The following KLHL20 variants were observed in gnomAD, a reference collection of about 807,000 sequenced individuals.
The protein encoded by KLHL20 is kelch like family member 20, also known as kelch-like protein 20.
Under a neutral mutation model 69.5 loss-of-function variants are expected in KLHL20, and 29 were observed. That is an observed-to-expected ratio of 0.42 (90% confidence interval 0.31 to 0.57). KLHL20 has a LOEUF of 0.57. KLHL20 is among the 20% of genes least tolerant of loss of function. The pLI is 0.18. For missense variants in KLHL20, 419 were observed against 776.0 expected, an observed-to-expected ratio of 0.54 and a Z score of 5.47; for synonymous variants, 253 against 265.2, an observed-to-expected ratio of 0.95 and a Z score of 0.45.
intron 2 of KLHL20, among the ~76,000 whole-genome samples, chr1:173,732,270 A>C (rs981446733): frequency 6.6e-5 from 10 of 152,108 alleles, no homozygotes; most frequent in Non-Finnish European, 1.3e-4. Context: ...TGAGCCTAGG[A>C]GTTCAAGACC....
At chr1:173,758,731 G>C (rs1435718613) in intron 7 of KLHL20, among the ~76,000 whole-genome samples, 1 of 152,186 alleles carries the variant, frequency 6.6e-6, no homozygotes, top group Non-Finnish European at 1.5e-5. Flanking sequence ...GGAGTTTGCT[G>C]GGTCCCCAAG....
intron 10 of KLHL20, among the ~76,000 whole-genome samples, chr1:173,779,845 T>C (rs1332009606): frequency 2.0e-5 from 3 of 152,202 alleles, no homozygotes; most frequent in African/African-American, 7.2e-5. Flanking sequence ...ACAAACTAGT[T>C]TGAGTCTATC....
chr1:173,717,578 T>C (rs1031801619), intron 2 of KLHL20, among the ~76,000 whole-genome samples: 6 of 152,254 alleles, frequency 3.9e-5, no homozygotes, highest in Non-Finnish European at 7.3e-5. Flanking sequence ...TCTGTAATGC[T>C]GGGTTTATAC....
chr1:173,736,520 T>C (rs1672541803), intron 3 of KLHL20, among the ~76,000 whole-genome samples: 1 of 152,126 alleles, frequency 6.6e-6, no homozygotes, highest in South Asian at 2.1e-4. Context: ...CTGTTTTCCA[T>C]AGTGGTTGCA....
At chr1:173,733,131 T>C (rs919670341) in intron 2 of KLHL20, among the ~76,000 whole-genome samples, 9 of 150,996 alleles carry the variant, frequency 6.0e-5, no homozygotes, top group African/African-American at 2.2e-4. Flanking sequence ...GTGATTCTCA[T>C]GCTTCAGCCA....
At chr1:173,756,060 T>C in intron 6 of KLHL20, 22 bp downstream of exon 6, 2 of 1,483,890 alleles carry the variant, frequency 1.3e-6, no homozygotes, top group Non-Finnish European at 1.9e-6. Context: ...AATATACTGT[T>C]AGTAAATTGA....
chr1:173,756,884 T>G, intron 6 of KLHL20, 92 bp from the exon 7 acceptor site: 1 of 1,219,564 alleles, frequency 8.2e-7, no homozygotes, highest in East Asian at 2.4e-5. Context: ...ATTTGGTGAG[T>G]CTAAGCATTA....
chr1:173,763,107 G>T (rs1371303989), intron 7 of KLHL20, among the ~76,000 whole-genome samples: 1 of 151,768 alleles, frequency 6.6e-6, no homozygotes, highest in Non-Finnish European at 1.5e-5. Context: ...ATCAAATCAA[G>T]AACTCAACTT....
rs368145002 is a variant in KLHL20 at position 173,733,797 on chromosome 1, G to A, written c.108G>A (p.Gly36=). The change falls in exon 3 of 12, where the codon GGG becomes GGA. Residue 36 remains glycine, a synonymous_variant. Transcript: ENST00000209884. ...GAGACCCCAACAAACTGCCAGAAGG[G>A]GTTCCCCAACCTGCCCGCATGCCCT... is the stretch of plus-strand genomic sequence containing the variant. The part of the protein sequence containing the change: ...TLGDPNKLPE[G]VPQPARMPYI... 1.9e-6 allele frequency: 3 copies of A among 1,614,056 alleles called. No homozygotes were observed. Among genetic ancestry groups the A allele is most frequent in the Middle Eastern group, 1.6e-4 (1 of 6,062 alleles).
At chr1:173,738,369 C>T (rs548603094) in intron 3 of KLHL20, among the ~76,000 whole-genome samples, 148 of 152,232 alleles carry the variant, frequency 9.7e-4, no homozygotes, top group Non-Finnish European at 1.2e-3. Flanking sequence ...ACGGTTTTGC[C>T]ATGTTGCCCA....
At chr1:173,720,091 C>T (rs1381539139) in intron 2 of KLHL20, among the ~76,000 whole-genome samples, 1 of 152,142 alleles carries the variant, frequency 6.6e-6, no homozygotes, top group African/African-American at 2.4e-5. Context: ...CACTGCACTC[C>T]AGCCCGGATG....
intron 8 of KLHL20, 73 bp downstream of exon 8, chr1:173,766,362 A>G (rs1431606389): frequency 1.4e-6 from 2 of 1,395,358 alleles, no homozygotes; most frequent in Admixed American, 4.9e-5. Flanking sequence ...GAAAAACTAC[A>G]GGTTGGGCGT....
intron 2 of KLHL20, among the ~76,000 whole-genome samples, chr1:173,726,109 T>G (rs1427389199): frequency 6.6e-6 from 1 of 152,198 alleles, no homozygotes; most frequent in Non-Finnish European, 1.5e-5. Flanking sequence ...ATCCCGCGCC[T>G]GGCTCAGAGG....
At chr1:173,758,121 T>C (rs1673635551) in intron 7 of KLHL20, among the ~76,000 whole-genome samples, 1 of 151,780 alleles carries the variant, frequency 6.6e-6, no homozygotes, top group Non-Finnish European at 1.5e-5. Flanking sequence ...AATACAAAAA[T>C]TTACTAGTTG....
chr1:173,735,976 G>T (rs1672516387), intron 3 of KLHL20, among the ~76,000 whole-genome samples: 1 of 109,420 alleles, frequency 9.1e-6, no homozygotes, highest in Non-Finnish European at 1.7e-5. Flanking sequence ...AGTCTCACTT[G>T]CTCTGTTGCC....
At chr1:173,741,547 T>C (rs925487093) in intron 3 of KLHL20, 5 of 415,190 alleles carry the variant, frequency 1.2e-5, no homozygotes, top group Non-Finnish European at 2.1e-5. Flanking sequence ...TTTGACTACA[T>C]ACAATTCAAA....
rs540393684 is a variant in KLHL20, at chr1:173,776,312, T to G, written c.1638+470T>G. On this transcript the variant is annotated intron_variant, in intron 10 of 11. Transcript: ENST00000209884. ...TTTTTCTATTGAGTTGTTTGAGCCC[T>G]TATATATTCTAGTTATTAATCCCTT... Among the ~76,000 whole-genome samples the G allele has an allele frequency of 1.2e-4, 19 of 152,262 alleles. No homozygotes were observed. The South Asian group carries it at 3.9e-3, about 32-fold the overall frequency.
chr1:173,756,205 A>G (rs1033787901), intron 6 of KLHL20, among the ~76,000 whole-genome samples, 167 bp downstream of exon 6: 2 of 150,028 alleles, frequency 1.3e-5, no homozygotes, highest in Admixed American at 1.3e-4. Flanking sequence ...TATACTCCAA[A>G]AGAGTGCTCT....
chr1:173,731,731 G>T (rs1672289536), intron 2 of KLHL20, among the ~76,000 whole-genome samples: 1 of 119,536 alleles, frequency 8.4e-6, no homozygotes, highest in Admixed American at 9.7e-5. Context: ...GGGGGAGGGG[G>T]GAGGGATAGC....
Sources: allele counts gnomAD v4.1 joint callset (sites outside exome capture counted in the v4.1 genomes callset), GRCh38; gene constraint gnomAD v4.1.1; transcripts MANE v1.5; gene names NCBI Gene and HGNC (gene_info 2026-07-23, HGNC 2026-07-21).